The following NAV2 variants were observed in gnomAD, a reference collection of about 807,000 sequenced individuals.
NAV2 encodes the protein helicase, APC down-regulated 1.
In NAV2, 54 loss-of-function variants were observed where a neutral mutation model predicts 223.2. That is an observed-to-expected ratio of 0.24 (90% CI 0.19 to 0.30). The LOEUF is 0.30. NAV2 is among the 10% of genes least tolerant of loss of function. The pLI, the probability that NAV2 is intolerant of heterozygous loss-of-function variation, is 1.00. For synonymous variants in NAV2, 1,279 were observed against 1,239.3 expected (o/e 1.03, Z -0.67); for missense variants, 2,806 against 3,147.5 (o/e 0.89, Z 2.60).
intron 3 of NAV2, among the ~76,000 whole-genome samples, chr11:19,849,346 G>A (rs564415076): frequency 2.0e-5 from 3 of 152,320 alleles, no homozygotes; most frequent in East Asian, 3.9e-4. Flanking sequence ...GAACCAGTTA[G>A]GTTTAGCTGA....
At chr11:19,845,821 T>TA (rs1439397406) in intron 3 of NAV2, among the ~76,000 whole-genome samples, 1 of 152,136 alleles carries the variant, frequency 6.6e-6, no homozygotes, top group African/African-American at 2.4e-5. Context: ...CAGCAGTGCA[T>TA]AATCATAATG....
At chr11:19,763,123 C>T (rs1021306034) in intron 1 of NAV2, among the ~76,000 whole-genome samples, 29 of 152,082 alleles carry the variant, frequency 1.9e-4, no homozygotes, top group African/African-American at 6.0e-4. Flanking sequence ...GTATCTGGAC[C>T]GCAGTAGATA....
intron 1 of NAV2, among the ~76,000 whole-genome samples, chr11:19,677,268 G>A (rs1357257383): frequency 1.3e-5 from 2 of 152,240 alleles, no homozygotes; most frequent in African/African-American, 4.8e-5. Flanking sequence ...AGCCATTTGG[G>A]CAAGAGCAAC....
chr11:19,956,833 C>T lies in NAV2; in HGVS notation c.2645+7753C>T, dbSNP rs150626603. Among the ~76,000 whole-genome samples the T allele has an allele frequency of 2.6e-3, 398 of 152,228 alleles. 1 individual carries two copies. The highest frequency in any genetic ancestry group is 9.2e-3 in the African/African-American group (383 of 41,520). On this transcript the variant is annotated intron_variant, in intron 10 of 37. Coordinates refer to ENST00000349880, the MANE Select transcript of NAV2 (RefSeq NM_145117.5). ...CATCTCCATCCCCGCCTTACTGTCT[C>T]CTTACTGTCTTGGAGGTCAGAGGGC...
In NAV2 at chr11:19,736,421, G is replaced by A. The variant is rs1422774276; in HGVS notation, c.267+22459G>A. ...TATGAGATCCTCCTTGGCAGTCCCAGGTTCTGGAGCTTTGCTGAAGTGGAA... is the reference window on the plus strand; with the variant it reads ...TATGAGATCCTCCTTGGCAGTCCCAAGTTCTGGAGCTTTGCTGAAGTGGAA... On this transcript the variant is annotated intron_variant, in intron 1 of 37. Transcript: ENST00000349880. 3.3e-5 allele frequency among the ~76,000 whole-genome samples: 5 copies of A among 152,166 alleles called. No homozygotes were observed. In the South Asian group the frequency reaches 8.3e-4, roughly 25 times the overall value.
chr11:19,624,216 G>A (rs1039191183), intron 1 of NAV2, among the ~76,000 whole-genome samples: 1 of 152,224 alleles, frequency 6.6e-6, no homozygotes, highest in Non-Finnish European at 1.5e-5. Flanking sequence ...TCGGGGGTCA[G>A]GGGCCCACTG....
intron 6 of NAV2, among the ~76,000 whole-genome samples, chr11:19,911,681 C>T (rs1392813867): frequency 3.3e-5 from 5 of 152,108 alleles, no homozygotes; most frequent in Non-Finnish European, 7.3e-5. Flanking sequence ...TGACCTCAGA[C>T]AGTGGATGAC....
rs145789300 is a variant in NAV2 at position 19,579,257 on chromosome 11, T to C, written c.75+228230T>C. The stretch of plus-strand genomic sequence containing the variant: ...GTCAAATGGATATAATAAGACTTAT[T>C]TTGCAGGACTATTATGAGAATTCAG... On this transcript the variant is annotated intron_variant, in intron 1 of 37. Transcript: ENST00000360655. Among the ~76,000 whole-genome samples the C allele has an allele frequency of 7.3e-3, 1,108 of 152,290 alleles. 6 individuals are homozygous for C. Among genetic ancestry groups the C allele is most frequent in the Non-Finnish European group, 0.011 (780 of 68,018 alleles).
chr11:19,356,070 T>A (rs1258147996), intron 1 of NAV2, among the ~76,000 whole-genome samples: 3 of 152,246 alleles, frequency 2.0e-5, no homozygotes, highest in African/African-American at 7.2e-5. Flanking sequence ...TAGTTACAAC[T>A]GATCTGCCTT....
chr11:19,753,608 G>A (rs1002612352), intron 1 of NAV2, among the ~76,000 whole-genome samples: 2 of 152,148 alleles, frequency 1.3e-5, no homozygotes, highest in African/African-American at 4.8e-5. Flanking sequence ...CTGCTCATTG[G>A]TCTCCCCCTG....
rs1425316452 is a variant in NAV2 at position 19,931,187 on chromosome 11, C to T, written c.932-1989C>T. Among the ~76,000 whole-genome samples, 11 of 152,128 alleles carry T rather than the reference C, an allele frequency of 7.2e-5. No individual in the cohort carries two copies. The East Asian group carries it at 9.6e-4, about 13-fold the overall frequency. ...CACCAAGCAGGCCGCTGATGGGCAG[C>T]GTCAAGCCTGTAGCAACCCTCTAAC... On this transcript the variant is annotated intron_variant, in intron 6 of 37. Transcript: ENST00000349880.
rs1400029276 is a variant in NAV2, at chr11:19,939,685, T to C, written c.2058T>C (p.Asn686=). The change falls in exon 8 of 38, where the codon AAT becomes AAC. Residue 686 remains asparagine (N), a synonymous_variant. Coordinates refer to ENST00000349880, the MANE Select transcript of NAV2 (RefSeq NM_145117.5). ...LYRSQTDTEG[N]VTAESSSTGV... ...GGTCTCAGACGGACACTGAAGGGAATGTTACTGCCGAGTCAAGCTCAACAG... is the reference window on the plus strand; with the variant it reads ...GGTCTCAGACGGACACTGAAGGGAACGTTACTGCCGAGTCAAGCTCAACAG... The C allele has an allele frequency of 1.2e-6, 2 of 1,614,016 alleles. No homozygotes were observed. The highest frequency in any genetic ancestry group is 1.1e-5 in the South Asian group (1 of 91,082).
chr11:19,461,210 A>G (rs1486236515), intron 1 of NAV2, among the ~76,000 whole-genome samples: 1 of 152,160 alleles, frequency 6.6e-6, no homozygotes, highest in Non-Finnish European at 1.5e-5. Context: ...TCAGTGCACC[A>G]TGGAGATTCC....
intron 1 of NAV2, among the ~76,000 whole-genome samples, chr11:19,705,712 A>G (rs2049642874): frequency 6.6e-6 from 1 of 152,146 alleles, no homozygotes; most frequent in South Asian, 2.1e-4. Flanking sequence ...CCCCCACCTA[A>G]AGAAAAATCA....
At chr11:19,806,007 T>C (rs1238729436) in intron 1 of NAV2, among the ~76,000 whole-genome samples, 1 of 152,224 alleles carries the variant, frequency 6.6e-6, no homozygotes, top group African/African-American at 2.4e-5. Context: ...GAGGTTTTTA[T>C]TTATTTATTT....
chr11:19,997,085 A>G (rs1200197025), intron 11 of NAV2, among the ~76,000 whole-genome samples: 1 of 152,190 alleles, frequency 6.6e-6, no homozygotes, highest in Non-Finnish European at 1.5e-5. Flanking sequence ...TTGCCTGGAC[A>G]TTGCTTGTGG....
intron 1 of NAV2, among the ~76,000 whole-genome samples, chr11:19,355,769 C>T (rs180711382): frequency 1.1e-4 from 16 of 152,292 alleles, no homozygotes; most frequent in Middle Eastern, 3.4e-3. Context: ...TTTGTTTACC[C>T]GGGAACAATG....
intron 1 of NAV2, among the ~76,000 whole-genome samples, chr11:19,819,639 T>A (rs772488951): frequency 6.6e-6 from 1 of 152,174 alleles, no homozygotes; most frequent in African/African-American, 2.4e-5. Flanking sequence ...CTTGAAGGCA[T>A]TTTTTAGGGA....
intron 1 of NAV2, among the ~76,000 whole-genome samples, chr11:19,778,876 A>T (rs761937763): frequency 1.3e-4 from 20 of 152,308 alleles, no homozygotes; most frequent in South Asian, 2.1e-4. Context: ...TGCCACTCTA[A>T]CAGGCAGCAT....
Sources: gnomAD v4.1 joint callset for allele counts (sites outside exome capture counted in the v4.1 genomes callset) on GRCh38, gnomAD v4.1.1 for gene constraint, MANE v1.5 for transcripts, NCBI Gene and HGNC (gene_info 2026-07-23, HGNC 2026-07-21) for gene names.